CPOX: variants seen among roughly 807,000 people sequenced by gnomAD.
CPOX encodes coproporphyrinogen oxidase.
CPOX carries 24 observed loss-of-function variants against 48.9 expected under a neutral mutation model. The observed-to-expected ratio is 0.49, with a 90% CI of 0.36 to 0.69. The LOEUF is 0.69. Among genes scored for constraint, CPOX ranks in the 30% least tolerant of loss-of-function variants. The pLI, the probability that CPOX is intolerant of heterozygous loss-of-function variation, is 0.00. For synonymous variants in CPOX, 249 were observed against 234.6 expected (o/e 1.06, Z -0.56); for missense variants, 549 against 597.3 (o/e 0.92, Z 0.84).
chr3:98,590,217 C>G (rs966530522), intron 3 of CPOX, among the ~76,000 whole-genome samples: 1 of 152,214 alleles, frequency 6.6e-6, no homozygotes, highest in Admixed American at 6.5e-5. Context: ...GCACAATCTC[C>G]GCTCACTGCA....
Position 98,580,917 on chromosome 3 carries a change from G to A in CPOX, c.1278-147C>T, listed in dbSNP as rs368834570. ...GTCTCTACTGTGCCTGATGTGCCTTGTACCAACTTGACCTTTAAAAAAACT... is the reference window on the plus strand; with the variant it reads ...GTCTCTACTGTGCCTGATGTGCCTTATACCAACTTGACCTTTAAAAAAACT... On this transcript the variant is annotated intron_variant, in intron 6 of 6. Transcript: ENST00000647941. The A allele has an allele frequency of 1.9e-3, 1,837 of 947,342 alleles. 10 individuals are homozygous for A. The highest frequency in any genetic ancestry group is 0.01 in the Middle Eastern group (31 of 3,040). The allele number at this position is 947,342 out of a possible 1,614,324, so 58.7% of individuals were successfully genotyped here.
the CPOX span, among the ~76,000 whole-genome samples, chr3:98,570,650 T>C: frequency 6.6e-6 from 1 of 152,220 alleles, no homozygotes; most frequent in African/African-American, 2.4e-5. Context: ...TTTCTGATCA[T>C]AGCTTAAAAG....
intron 4 of CPOX, 104 bp downstream of exon 4, chr3:98,588,609 T>C (rs1290962323): frequency 5.7e-6 from 7 of 1,221,374 alleles, no homozygotes; most frequent in Non-Finnish European, 8.4e-6. Flanking sequence ...AGAAAACTAG[T>C]TCCATTTTCA....
At chr3:98,571,124 G>C in the CPOX span, among the ~76,000 whole-genome samples, 1 of 151,882 alleles carries the variant, frequency 6.6e-6, no homozygotes, top group Non-Finnish European at 1.5e-5. Flanking sequence ...TTAAACTTGG[G>C]TTGCTTCTAG....
intron 5 of CPOX, among the ~76,000 whole-genome samples, chr3:98,581,762 T>G (rs1707263916): frequency 6.6e-6 from 1 of 152,212 alleles, no homozygotes; most frequent in Non-Finnish European, 1.5e-5. Flanking sequence ...TACAAGGTTA[T>G]GTTTTCCCAT....
At chr3:98,575,232 T>C (rs1376934530), downstream of CPOX, among the ~76,000 whole-genome samples, 1 of 152,262 alleles carries the variant, frequency 6.6e-6, no homozygotes, top group Non-Finnish European at 1.5e-5. Flanking sequence ...AGAGTCAGTG[T>C]TGCAACTCTA....
chr3:98,582,643 C>T (rs1014418897), intron 5 of CPOX, among the ~76,000 whole-genome samples: 2 of 152,130 alleles, frequency 1.3e-5, no homozygotes, highest in African/African-American at 2.4e-5. Flanking sequence ...AGGCACCCGC[C>T]ACCATGACTG....
At position 98,588,839 on chromosome 3, in the gene CPOX, C is replaced by T. The variant is rs761281919; in HGVS notation, c.827G>A (p.Trp276Ter). Residue 276 changes from tryptophan (W) to a stop codon, truncating the protein, a stop_gained, in exon 4 of 7, where the codon TGG (tryptophan) becomes TAG (stop). Coordinates refer to ENST00000647941, the MANE Select transcript of CPOX (RefSeq NM_000097.7). LOFTEE classifies it high-confidence loss of function. The stretch of plus-strand genomic sequence containing the variant: ...AGTGAGGTCACATCCACCACCAAAC[C>T]ACCACTGCTTGTTGCCTACCAAATC... ...VEEADGNKQW[W>*]FGGGCDLTPT... 1.2e-6 allele frequency: 2 copies of T among 1,614,156 alleles called. No homozygotes were observed. The highest frequency in any genetic ancestry group is 1.7e-6 in the Non-Finnish European group (2 of 1,180,024).
downstream of CPOX, among the ~76,000 whole-genome samples, chr3:98,574,682 A>T (rs901881170): frequency 6.6e-6 from 1 of 152,180 alleles, no homozygotes; most frequent in Non-Finnish European, 1.5e-5. Context: ...CCCAGGTTCA[A>T]GCGATTCTCC....
At chr3:98,573,438 T>C in the CPOX span, among the ~76,000 whole-genome samples, 1 of 152,100 alleles carries the variant, frequency 6.6e-6, no homozygotes, top group Non-Finnish European at 1.5e-5. Context: ...TTTTCTCATT[T>C]CCCTCCTTCT....
In CPOX at chr3:98,580,760, T is replaced by C. The variant is rs1156859141; in HGVS notation, c.1288A>G (p.Met430Val). ...TTGGAATTCTCTGAGGGTGAATGCA[T>C]GTACTCCCATCTATGCATGTCCAAA... Reference protein sequence around the residue: ...SLPLTARWEYMHSPSENSKEA... With the variant: ...SLPLTARWEYVHSPSENSKEA... Residue 430 changes from methionine (M) to valine (V), a missense_variant, in exon 7 of 7, where the codon ATG becomes GTG. Around this residue, in one of 2 missense-constraint regions of CPOX, gnomAD observed 213 missense variants for 279.1 expected, o/e 0.76. Transcript: ENST00000647941. 1.9e-6 allele frequency: 3 copies of C among 1,614,062 alleles called. No individual in the cohort carries two copies. Among genetic ancestry groups the C allele is most frequent in the Admixed American group, 3.3e-5 (2 of 60,016 alleles).
In CPOX at chr3:98,593,308, G is replaced by C; in HGVS notation, c.197C>G (p.Ser66Trp). ...TEQSRGLGHGSTSRGGPWVGT... is the reference protein window; with the variant it reads ...TEQSRGLGHGWTSRGGPWVGT... ...CACCCAGGGGCCGCCTCTCGACGTC[G>C]AGCCGTGCCCCAGCCCGCGGCTCTG... The change falls in exon 1 of 7, where the codon TCG (serine) becomes TGG (tryptophan). Residue 66 changes from serine to tryptophan, a missense_variant. By Grantham distance (177) the Ser-to-Trp change is radical. Coordinates refer to ENST00000647941, the MANE Select transcript of CPOX (RefSeq NM_000097.7). The C allele has an allele frequency of 6.9e-7, 1 of 1,439,032 alleles. No individual in the cohort carries two copies. Among genetic ancestry groups the C allele is most frequent in the Non-Finnish European group, 9.1e-7 (1 of 1,104,392 alleles). 89.1% of individuals were successfully genotyped at this position (1,439,032 alleles called of 1,614,324 possible). A position where few individuals can be genotyped will look rare whatever the true frequency, so the allele number is the denominator to read the frequency against.
downstream of CPOX, among the ~76,000 whole-genome samples, chr3:98,575,774 A>T (rs1576294317): frequency 6.6e-6 from 1 of 151,808 alleles, no homozygotes; most frequent in South Asian, 2.1e-4. Context: ...TACTAAAAAA[A>T]TACAAAAAAT....
In CPOX at chr3:98,585,485, T is replaced by G. The variant is rs1314263561; in HGVS notation, c.1128A>C (p.Ser376=). ...GCCACAGCTTCTCCTGGGGGGTGAA[T>G]GAGTCATCACAGTGCTTTTTCACAA... ...IPLVKKHCDD[S]FTPQEKLWQQ... is the part of the protein sequence containing the mutation. Residue 376 remains serine (S), a synonymous_variant, in exon 5 of 7, where the codon TCA becomes TCC. Coordinates refer to ENST00000647941, the MANE Select transcript of CPOX (RefSeq NM_000097.7). The G allele has an allele frequency of 1.9e-6, 3 of 1,614,110 alleles. No individual in the cohort carries two copies. The highest frequency in any genetic ancestry group is 1.7e-6 in the Non-Finnish European group (2 of 1,180,024).
rs1391547573 is a variant in CPOX at position 98,593,567 on chromosome 3, C to T, written c.-63G>A. On this transcript the variant is annotated 5_prime_UTR_variant, in exon 1 of 7. Transcript: ENST00000647941. ...AGAGCCCTGCGTTTGAGCCCCCCAC[C>T]CAGACCCCCGGAGTATTGAGCCGGC... 3 of 1,467,890 alleles carry T rather than the reference C, an allele frequency of 2.0e-6. No individual in the cohort carries two copies. Among genetic ancestry groups the T allele is most frequent in the Admixed American group, 2.1e-5 (1 of 46,630 alleles). The allele number at this position is 1,467,890 out of a possible 1,614,324, so 90.9% of individuals were successfully genotyped here. A position where few individuals can be genotyped will look rare whatever the true frequency, so the allele number is the denominator to read the frequency against.
intron 4 of CPOX, among the ~76,000 whole-genome samples, chr3:98,587,363 A>G (rs770799894): frequency 1.3e-5 from 2 of 152,026 alleles, no homozygotes; most frequent in Non-Finnish European, 2.9e-5. Context: ...CTTATTTCCT[A>G]GTCAGTGTTC....
intron 1 of CPOX, 38 bp from the exon 2 acceptor site, chr3:98,591,193 GTA>G: frequency 6.2e-7 from 1 of 1,612,942 alleles, no homozygotes. Context: ...GAATGTAAGA[GTA>G]TGTGCAAAAC....
intron 5 of CPOX, among the ~76,000 whole-genome samples, chr3:98,582,478 C>T (rs1195833799): frequency 1.3e-5 from 2 of 151,772 alleles, no homozygotes; most frequent in African/African-American, 4.8e-5. Context: ...TAGATTCCCA[C>T]AATAATTTTT....
chr3:98,585,559 G>A lies in CPOX; in HGVS notation c.1054C>T (p.Arg352Cys), dbSNP rs11921054. The stretch of plus-strand genomic sequence containing the variant: ...GCCCTGGCACAGCTCTGTACAAAGC[G>A]AAACACCTCCTCCTTGGACGGAGAG... ...LDSPSKEEVF[R>C]FVQSCARAVV... Residue 352 changes from arginine (R) to cysteine (C), a missense_variant, in exon 5 of 7, where the codon CGC becomes TGC. Arg to Cys is a radical substitution (Grantham distance 180). Around this residue, in one of 2 missense-constraint regions of CPOX, gnomAD observed 213 missense variants for 279.1 expected, o/e 0.76. Transcript: ENST00000647941. The A allele has an allele frequency of 0.019, 30,663 of 1,614,000 alleles. 897 individuals are homozygous for A. The highest frequency in any genetic ancestry group is 0.13 in the African/African-American group (9,769 of 74,948).
Sources: gnomAD v4.1 joint callset for allele counts (sites outside exome capture counted in the v4.1 genomes callset) on GRCh38, gnomAD v4.1.1 for gene constraint, gnomAD v4.1.1 regional missense constraint, MANE v1.5 for transcripts, NCBI Gene and HGNC (gene_info 2026-07-23, HGNC 2026-07-21) for gene names.